Variants in RIMS2 observed in about 807,000 individuals in gnomAD.
The protein encoded by RIMS2 is regulating synaptic membrane exocytosis 2, also known as regulating synaptic membrane exocytosis protein 2.
Under a neutral mutation model 174.4 loss-of-function variants are expected in RIMS2, and 59 were observed. The observed-to-expected ratio is 0.34, with a 90% CI of 0.27 to 0.42. The LOEUF (loss-of-function observed/expected upper bound fraction) is 0.42, where lower values mean the gene tolerates loss of function less well. Ranked by LOEUF, RIMS2 falls within the 10% of genes least tolerant of loss-of-function variation. The pLI, the probability that RIMS2 is intolerant of heterozygous loss-of-function variation, is 1.00. For missense variants in RIMS2, 1,620 were observed against 1,666.3 expected (o/e 0.97, Z 0.48); for synonymous variants, 606 against 572.5 (o/e 1.06, Z -0.84).
chr8:104,106,064 A>AAAAAAAAAAAAAG, intron 19 of RIMS2, among the ~76,000 whole-genome samples: 1 of 146,924 alleles, frequency 6.8e-6, no homozygotes, highest in African/African-American at 2.5e-5. Flanking sequence ...AAAAAAAAAA[A>AAAAAAAAAAAAAG]AGAGAAAGAG....
At chr8:103,546,306 G>A (rs1001648921) in intron 1 of RIMS2, among the ~76,000 whole-genome samples, 4 of 152,142 alleles carry the variant, frequency 2.6e-5, no homozygotes, top group Admixed American at 2.6e-4. Flanking sequence ...TAATGGTAAA[G>A]GGTTCAATTC....
intron 1 of RIMS2, among the ~76,000 whole-genome samples, chr8:103,644,561 A>G (rs1041808411): frequency 1.5e-4 from 23 of 152,146 alleles, no homozygotes; most frequent in African/African-American, 5.1e-4. Context: ...TTTTTAATTC[A>G]TTATCTCAAC....
At position 103,707,819 on chromosome 8, in the gene RIMS2, C is replaced by T. The variant is rs141307847; in HGVS notation, c.387+10523C>T. ...GGCTAAGGCCACTGTAGTCAACAGG[C>T]GGTGAAACCTGCTGGGACTTGGGTT... On this transcript the variant is annotated intron_variant, in intron 2 of 23. Transcript: ENST00000504942. Among the ~76,000 whole-genome samples the T allele has an allele frequency of 9.0e-3, 1,368 of 152,294 alleles. 14 individuals carry two copies. Among genetic ancestry groups the T allele is most frequent in the Non-Finnish European group, 0.014 (958 of 68,022 alleles).
At chr8:104,144,022 T>G (rs2098607433) in intron 19 of RIMS2, among the ~76,000 whole-genome samples, 1 of 152,178 alleles carries the variant, frequency 6.6e-6, no homozygotes, top group Non-Finnish European at 1.5e-5. Flanking sequence ...CATATAAACT[T>G]CATTTGATTT....
intron 3 of RIMS2, among the ~76,000 whole-genome samples, chr8:103,828,075 A>G (rs1246428141): frequency 6.6e-6 from 1 of 152,110 alleles, no homozygotes; most frequent in Non-Finnish European, 1.5e-5. Flanking sequence ...TTACAATTTT[A>G]TATATTGCTG....
At chr8:103,668,864 G>A (rs797010539) in intron 1 of RIMS2, among the ~76,000 whole-genome samples, 23 of 151,936 alleles carry the variant, frequency 1.5e-4, no homozygotes, top group African/African-American at 5.1e-4. Context: ...TAATAATGGA[G>A]GTTTAAGGAT....
intron 2 of RIMS2, among the ~76,000 whole-genome samples, chr8:103,745,731 A>G (rs1365921589): frequency 2.6e-5 from 4 of 152,152 alleles, no homozygotes; most frequent in African/African-American, 9.7e-5. Context: ...GACATTGAGC[A>G]TTACTTCTTA....
In RIMS2 at chr8:103,633,023, G is replaced by A. The variant is rs192024854; in HGVS notation, c.177-64063G>A. On this transcript the variant is annotated intron_variant, in intron 1 of 23. Transcript: ENST00000504942. ...GCTAGGATTACAGGTGTGAGCCTCC[G>A]CGCCAGGCCTTTTTTTTTTTTGAGA... Among the ~76,000 whole-genome samples the A allele has an allele frequency of 4.4e-3, 635 of 143,058 alleles. 4 individuals carry two copies. Among genetic ancestry groups the A allele is most frequent in the African/African-American group, 0.016 (599 of 37,718 alleles). The allele number at this position is 143,058 out of a possible 152,430, so 93.9% of individuals were successfully genotyped here. A position where few individuals can be genotyped will look rare whatever the true frequency, so the allele number is the denominator to read the frequency against.
intron 1 of RIMS2, among the ~76,000 whole-genome samples, chr8:103,561,268 G>C (rs921967794): frequency 1.3e-5 from 2 of 151,962 alleles, no homozygotes; most frequent in African/African-American, 4.8e-5. Context: ...AGATAATTTT[G>C]ATCTGGCTAG....
intron 19 of RIMS2, among the ~76,000 whole-genome samples, chr8:104,096,415 A>G (rs545297145): frequency 7.2e-5 from 11 of 152,326 alleles, no homozygotes; most frequent in African/African-American, 2.4e-4. Flanking sequence ...GGAAAAGGGA[A>G]AGATGGTACA....
Position 103,807,082 on chromosome 8 carries a change from A to T in RIMS2, c.698+40545A>T, listed in dbSNP as rs963692432. Among the ~76,000 whole-genome samples, 19 of 152,026 alleles carry T rather than the reference A, an allele frequency of 1.2e-4. 1 individual carries two copies. The highest frequency in any genetic ancestry group is 1.5e-4 in the Non-Finnish European group (10 of 67,996). The stretch of plus-strand genomic sequence containing the variant: ...TACAGAAGATATTTAAAGCCATGGG[A>T]CCTAAGTCACCGGGAAGGGGGAGCT... On this transcript the variant is annotated intron_variant, in intron 3 of 23. Coordinates refer to ENST00000504942, the Ensembl canonical transcript of RIMS2.
chr8:103,883,855 G>A (rs1324623752), intron 3 of RIMS2, among the ~76,000 whole-genome samples: 1 of 151,752 alleles, frequency 6.6e-6, no homozygotes, highest in East Asian at 1.9e-4. Flanking sequence ...GCTGTAGGTG[G>A]TACAGGTAAT....
chr8:103,564,104 T>C (rs1174253560), intron 1 of RIMS2, among the ~76,000 whole-genome samples: 1 of 152,216 alleles, frequency 6.6e-6, no homozygotes, highest in East Asian at 1.9e-4. Context: ...GTCTGTTGCA[T>C]ACTCTTGGTC....
intron 19 of RIMS2, among the ~76,000 whole-genome samples, chr8:104,196,749 G>A (rs1021495153): frequency 1.4e-4 from 22 of 151,780 alleles, no homozygotes; most frequent in African/African-American, 4.1e-4. Context: ...GTATTATGTC[G>A]TATTTGGAAA....
At chr8:104,012,759 G>T (rs1463278328) in intron 17 of RIMS2, among the ~76,000 whole-genome samples, 5 of 152,100 alleles carry the variant, frequency 3.3e-5, no homozygotes, top group African/African-American at 1.2e-4. Context: ...TTTGGTATTA[G>T]ATTTGTTTGT....
chr8:103,878,990 T>C (rs2099155015), intron 3 of RIMS2, among the ~76,000 whole-genome samples: 1 of 151,528 alleles, frequency 6.6e-6, no homozygotes, highest in Non-Finnish European at 1.5e-5. Context: ...CCAATTTGGG[T>C]CCTCAAAAAT....
chr8:104,218,862 G>A (rs2099143019), intron 19 of RIMS2, among the ~76,000 whole-genome samples: 4 of 152,120 alleles, frequency 2.6e-5, no homozygotes, highest in Admixed American at 2.6e-4. Context: ...GGGACCCCTG[G>A]CTTACATCAT....
chr8:103,964,151 G>T (rs1403754928), intron 15 of RIMS2, among the ~76,000 whole-genome samples: 1 of 152,172 alleles, frequency 6.6e-6, no homozygotes, highest in Non-Finnish European at 1.5e-5. Context: ...GCAGGTTTTT[G>T]TGTGGACATG....
At chr8:103,698,958 C>G (rs1462975126) in intron 2 of RIMS2, among the ~76,000 whole-genome samples, 1 of 152,020 alleles carries the variant, frequency 6.6e-6, no homozygotes, top group Non-Finnish European at 1.5e-5. Flanking sequence ...GTAGATTACA[C>G]CAGTGAAGCC....
Sources: allele counts gnomAD v4.1 joint callset (sites outside exome capture counted in the v4.1 genomes callset), GRCh38; gene constraint gnomAD v4.1.1; transcripts MANE v1.5; gene names NCBI Gene and HGNC (gene_info 2026-07-23, HGNC 2026-07-21).